FANCA: variants seen among roughly 807,000 people sequenced by gnomAD.
FANCA encodes Fanconi anemia group A protein.
FANCA carries 236 observed loss-of-function variants against 194.3 expected under a neutral mutation model. The ratio of observed to expected loss-of-function variants is 1.21; its 90% CI spans 1.09 to 1.35. The LOEUF (loss-of-function observed/expected upper bound fraction) is 1.35. FANCA is among the 40% of genes most tolerant of loss of function. The pLI, the probability that FANCA is intolerant of heterozygous loss-of-function variation, is 0.00. For synonymous variants in FANCA, 1,014 were observed against 715.8 expected, an observed-to-expected ratio of 1.42 and a Z score of -6.65; for missense variants, 2,628 against 1,813.9, an observed-to-expected ratio of 1.45 and a Z score of -8.15.
chr16:89,794,214 A>G (rs562155611), intron 11 of FANCA, among the ~76,000 whole-genome samples: 2 of 152,274 alleles, frequency 1.3e-5, no homozygotes, highest in South Asian at 2.1e-4. Flanking sequence ...TTCACAATAA[A>G]TATTTTCCAA....
chr16:89,745,207 G>T, intron 35 of FANCA, 136 bp from the exon 36 acceptor site: 1 of 811,640 alleles, frequency 1.2e-6, no homozygotes, highest in Non-Finnish European at 2.0e-6. Context: ...GAACTCCAAA[G>T]CCAGTATTTT....
intron 6 of FANCA, among the ~76,000 whole-genome samples, chr16:89,807,550 C>T (rs1399416941): frequency 6.6e-6 from 1 of 151,952 alleles, no homozygotes; most frequent in African/African-American, 2.4e-5. Context: ...AGGAGTTTGA[C>T]ACCAGCCTGG....
At chr16:89,777,478 C>A (rs2039548530) in intron 20 of FANCA, among the ~76,000 whole-genome samples, 1 of 151,988 alleles carries the variant, frequency 6.6e-6, no homozygotes, top group Admixed American at 6.6e-5. Context: ...GTAATCCCAG[C>A]ACTTTGGGAG....
intron 30 of FANCA, among the ~76,000 whole-genome samples, chr16:89,752,888 CCCT>C (rs1483301747): frequency 6.6e-6 from 1 of 152,138 alleles, no homozygotes; most frequent in African/African-American, 2.4e-5. Flanking sequence ...AAGGGAGTCT[CCCT>C]TTCCCCCGGG....
chr16:89,805,524 C>T, intron 6 of FANCA, 132 bp from the exon 7 acceptor site: 1 of 677,126 alleles, frequency 1.5e-6, no homozygotes. Flanking sequence ...TGCAGTGGCG[C>T]AATCAGTCAC....
At chr16:89,744,034 A>T (rs569729334) in intron 36 of FANCA, among the ~76,000 whole-genome samples, 5 of 152,016 alleles carry the variant, frequency 3.3e-5, no homozygotes, top group East Asian at 3.9e-4. Flanking sequence ...AGTAGCTGGG[A>T]CTACAGGCGC....
At chr16:89,743,737 C>T (rs1050174568) in intron 36 of FANCA, among the ~76,000 whole-genome samples, 1 of 151,984 alleles carries the variant, frequency 6.6e-6, no homozygotes, top group African/African-American at 2.4e-5. Flanking sequence ...GCAGGAGGAT[C>T]GCTTGAACCT....
Position 89,767,153 on chromosome 16 carries a change from G to A in FANCA, c.2589C>T (p.Gly863=), listed in dbSNP as rs72807571. The change falls in exon 27 of 43, where the codon GGC becomes GGT. Residue 863 remains glycine (G), a synonymous_variant. Coordinates refer to ENST00000389301, the MANE Select transcript of FANCA (RefSeq NM_000135.4). ...AGAGTGAACCTACCTTTTTAATAAG[G>A]CCTGGAGATAAGCAGCTGCACAAAG... ...RDTLCSCLSP[G]LIKKFQFLMF... is the part of the protein sequence containing the mutation. 6.2e-7 allele frequency: 1 copy of A among 1,611,216 alleles called. No homozygotes were observed. The highest frequency in any genetic ancestry group is 1.1e-5 in the South Asian group (1 of 91,008).
rs567314209 is a variant in FANCA, at chr16:89,780,641, T to C, written c.1627-684A>G. Among the ~76,000 whole-genome samples the C allele has an allele frequency of 5.0e-4, 76 of 150,770 alleles. 1 individual carries two copies. Among genetic ancestry groups the C allele is most frequent in the African/African-American group, 1.7e-3 (68 of 40,904 alleles). Reference sequence around the variant, plus strand: ...CCTGCATCAAAAAAAAAAAAAAACATTCTGAGGCCAGGCGCGGCAGCTCAC... The same window carrying C: ...CCTGCATCAAAAAAAAAAAAAAACACTCTGAGGCCAGGCGCGGCAGCTCAC... On this transcript the variant is annotated intron_variant, in intron 17 of 42. Coordinates refer to ENST00000389301, the MANE Select transcript of FANCA (RefSeq NM_000135.4).
rs1359572434 is a variant in FANCA, at chr16:89,769,928, G to A, written c.2413C>T (p.Pro805Ser). 91 of 1,613,930 alleles carry A rather than the reference G, an allele frequency of 5.6e-5. No individual in the cohort carries two copies. The highest frequency in any genetic ancestry group is 7.1e-5 in the Non-Finnish European group (84 of 1,179,998). Residue 805 changes from proline to serine, a missense_variant, in exon 26 of 43, where the codon CCT becomes TCT. Pro to Ser is a moderately conservative substitution (Grantham distance 74, BLOSUM62 -1). Coordinates refer to ENST00000389301, the MANE Select transcript of FANCA (RefSeq NM_000135.4). ...RSALPEVDVG[P>S]PAPGAGLPVP... ...GGAAGGCCAGCACCAGGTGCAGGAG[G>A]ACCCACATCCACCTCTGGGAGCGCA... is the stretch of plus-strand genomic sequence containing the variant.
At chr16:89,755,321 C>T (rs1400126736) in intron 30 of FANCA, among the ~76,000 whole-genome samples, 7 of 150,904 alleles carry the variant, frequency 4.6e-5, no homozygotes, top group Admixed American at 1.3e-4. Context: ...AGCAAGTCTC[C>T]TGCCGCCTCA....
At chr16:89,807,520 C>G (rs2040702391) in intron 6 of FANCA, among the ~76,000 whole-genome samples, 1 of 152,104 alleles carries the variant, frequency 6.6e-6, no homozygotes, top group South Asian at 2.1e-4. Context: ...GAGGCCGAGG[C>G]AGGGGAATCA....
At chr16:89,759,349 AGT>A (rs143812130) in intron 29 of FANCA, among the ~76,000 whole-genome samples, 4 of 139,532 alleles carry the variant, frequency 2.9e-5, no homozygotes, top group Non-Finnish European at 4.7e-5. Context: ...AAAAAAAAAA[AGT>A]AGCCTGGAAA....
chr16:89,811,221 T>G, intron 3 of FANCA, 150 bp from the exon 4 acceptor site: 1 of 962,882 alleles, frequency 1.0e-6, no homozygotes. Context: ...GGGAAAAACA[T>G]GAGATAAAAA....
intron 31 of FANCA, among the ~76,000 whole-genome samples, 183 bp downstream of exon 31, chr16:89,751,955 A>G (rs2038609085): frequency 6.6e-6 from 1 of 152,030 alleles, no homozygotes; most frequent in African/African-American, 2.4e-5. Context: ...TATTTTTAGT[A>G]GAGACGGGGT....
rs773446807 is a variant in FANCA, at chr16:89,779,895, G to A, written c.1689C>T (p.Asn563=). 3.1e-6 allele frequency: 5 copies of A among 1,613,870 alleles called. No homozygotes were observed. The highest frequency in any genetic ancestry group is 2.7e-5 in the African/African-American group (2 of 74,924). ...KAIMVFEHTG[N]IPVTVMEASI... is the part of the protein sequence containing the mutation. ...TGGCCTCCATGACGGTGACTGGGAT[G>A]TTCCCCGTATGCTCAAACACCATGA... Residue 563 remains asparagine, a synonymous_variant, in exon 18 of 43, where the codon AAC becomes AAT. Coordinates refer to ENST00000389301, the MANE Select transcript of FANCA (RefSeq NM_000135.4).
intron 29 of FANCA, 58 bp downstream of exon 29, chr16:89,761,891 C>T (rs886349929): frequency 1.7e-5 from 24 of 1,393,046 alleles, no homozygotes; most frequent in Non-Finnish European, 6.1e-6. Context: ...TCCCAAAGTG[C>T]TGGGATTATA....
chr16:89,756,370 T>A (rs1288575602), intron 30 of FANCA, among the ~76,000 whole-genome samples: 1 of 152,244 alleles, frequency 6.6e-6, no homozygotes, highest in Non-Finnish European at 1.5e-5. Context: ...GGTTCACGCC[T>A]GTAATCCCAG....
chr16:89,798,359 G>A (rs1208364044), intron 10 of FANCA: 7 of 1,037,972 alleles, frequency 6.7e-6, no homozygotes, highest in Admixed American at 1.0e-4. Flanking sequence ...AAACATTCAG[G>A]AAATCACACA....
Sources: gnomAD v4.1 joint callset for allele counts (sites outside exome capture counted in the v4.1 genomes callset) on GRCh38, gnomAD v4.1.1 for gene constraint, MANE v1.5 for transcripts, NCBI Gene and HGNC (gene_info 2026-07-23, HGNC 2026-07-21) for gene names.